The following ENTREP2 variants were observed in gnomAD, a reference collection of about 807,000 sequenced individuals.
The protein encoded by ENTREP2 is protein ENTREP2.
At chr15:29,396,282 G>A in the ENTREP2 span, among the ~76,000 whole-genome samples, 20 of 150,700 alleles carry the variant, frequency 1.3e-4, no homozygotes, top group Admixed American at 2.0e-4. Context: ...CCCCAGCCCC[G>A]GGCAACTACG....
At chr15:29,343,031 G>GGGT in the ENTREP2 span, among the ~76,000 whole-genome samples, 1 of 148,718 alleles carries the variant, frequency 6.7e-6, no homozygotes, top group Non-Finnish European at 1.5e-5. Flanking sequence ...AAGGAATGGG[G>GGGT]GGGGTGGTTC....
chr15:29,207,455 C>CGGGGGGGGGG, the ENTREP2 span, among the ~76,000 whole-genome samples: 2 of 122,998 alleles, frequency 1.6e-5, no homozygotes, highest in African/African-American at 3.3e-5. Context: ...GGTTGGGGGG[C>CGGGGGGGGGG]GGGGGGGGTG....
the ENTREP2 span, among the ~76,000 whole-genome samples, chr15:29,567,446 G>A: frequency 6.6e-6 from 1 of 152,260 alleles, no homozygotes; most frequent in East Asian, 1.9e-4. Context: ...CTAATCGTTA[G>A]CAGGAGTTTG....
At chr15:29,645,583 A>T in the ENTREP2 span, among the ~76,000 whole-genome samples, 1 of 151,900 alleles carries the variant, frequency 6.6e-6, no homozygotes, top group Non-Finnish European at 1.5e-5. Flanking sequence ...TTTGAGACAG[A>T]GTCTCGCTCT....
the ENTREP2 span, among the ~76,000 whole-genome samples, chr15:29,148,433 G>A: frequency 6.6e-6 from 1 of 152,188 alleles, no homozygotes; most frequent in Non-Finnish European, 1.5e-5. Context: ...AAAATCGGTG[G>A]AGGGTGAAGT....
At chr15:29,610,297 C>T in the ENTREP2 span, 1 of 150,476 alleles carries the variant, frequency 6.6e-6, no homozygotes, top group Non-Finnish European at 1.5e-5. Context: ...AGGATAAATA[C>T]TTAGATGTCA....
the ENTREP2 span, among the ~76,000 whole-genome samples, chr15:29,198,097 C>G: frequency 6.6e-6 from 1 of 152,194 alleles, no homozygotes; most frequent in Non-Finnish European, 1.5e-5. Context: ...CAGAGGAACT[C>G]AGCTTAGCTT....
At chr15:29,313,571 A>G in the ENTREP2 span, among the ~76,000 whole-genome samples, 1 of 105,634 alleles carries the variant, frequency 9.5e-6, no homozygotes, top group Non-Finnish European at 2.6e-5. Context: ...TTTACTTAAT[A>G]TTTCAAGCCC....
chr15:29,156,146 T>C, the ENTREP2 span, among the ~76,000 whole-genome samples: 1 of 151,902 alleles, frequency 6.6e-6, no homozygotes, highest in South Asian at 2.1e-4. Context: ...AACCTGTTTT[T>C]TGTTGTTGTT....
At chr15:29,600,754 G>T in the ENTREP2 span, among the ~76,000 whole-genome samples, 1 of 151,956 alleles carries the variant, frequency 6.6e-6, no homozygotes, top group East Asian at 1.9e-4. Flanking sequence ...CTACAGGCAT[G>T]AGCCACCACA....
chr15:29,394,326 T>C, the ENTREP2 span, among the ~76,000 whole-genome samples: 3 of 152,144 alleles, frequency 2.0e-5, no homozygotes, highest in Non-Finnish European at 2.9e-5. Flanking sequence ...CTTCAGATAG[T>C]AGAGAAGAAA....
the ENTREP2 span, among the ~76,000 whole-genome samples, chr15:29,417,854 T>C: frequency 6.6e-6 from 1 of 152,174 alleles, no homozygotes; most frequent in Non-Finnish European, 1.5e-5. Flanking sequence ...TCACTGCTTC[T>C]TTAATTGCAT....
At chr15:29,423,299 TAA>T in the ENTREP2 span, among the ~76,000 whole-genome samples, 1 of 152,184 alleles carries the variant, frequency 6.6e-6, no homozygotes, top group Non-Finnish European at 1.5e-5. Flanking sequence ...CAGAGAGAGA[TAA>T]GTTAGGGTTT....
At chr15:29,404,459 G>T in the ENTREP2 span, among the ~76,000 whole-genome samples, 1 of 151,740 alleles carries the variant, frequency 6.6e-6, no homozygotes, top group African/African-American at 2.4e-5. Context: ...GTTCTGGGTC[G>T]CTGAGTCCCA....
At chr15:29,123,150 G>T in the ENTREP2 span, 1 of 593,654 alleles carries the variant, frequency 1.7e-6, no homozygotes. Flanking sequence ...AAGAGACACT[G>T]CTCGGCTCCC....
chr15:29,326,244 A>T, the ENTREP2 span, among the ~76,000 whole-genome samples: 1 of 152,186 alleles, frequency 6.6e-6, no homozygotes, highest in African/African-American at 2.4e-5. Context: ...AGACAAGAAA[A>T]GGAAATAAAA....
chr15:29,415,855 AACAG>A, the ENTREP2 span, among the ~76,000 whole-genome samples: 56 of 152,112 alleles, frequency 3.7e-4, no homozygotes, highest in African/African-American at 9.4e-4. Flanking sequence ...ATACACCAAT[AACAG>A]ACAGACAGCC....
the ENTREP2 span, among the ~76,000 whole-genome samples, chr15:29,370,633 T>A: frequency 1.3e-5 from 2 of 151,836 alleles, no homozygotes; most frequent in African/African-American, 4.8e-5. Flanking sequence ...ATTGAAATGA[T>A]CCACAGAGTC....
chr15:29,280,264 C>T, the ENTREP2 span, among the ~76,000 whole-genome samples: 1 of 152,208 alleles, frequency 6.6e-6, no homozygotes, highest in African/African-American at 2.4e-5. Flanking sequence ...TCATTTGTTA[C>T]AAAGTCTCTG....
Sources: gnomAD v4.1 joint callset for allele counts (sites outside exome capture counted in the v4.1 genomes callset) on GRCh38, gnomAD v4.1.1 for gene constraint, MANE v1.5 for transcripts, NCBI Gene and HGNC (gene_info 2026-07-23, HGNC 2026-07-21) for gene names.